Variants in SUGCT observed in about 807,000 individuals in gnomAD.
SUGCT encodes the protein succinyl-CoA:glutarate-CoA transferase.
A neutral mutation model predicts 55.0 loss-of-function variants in SUGCT; 41 were observed. That is an observed-to-expected ratio of 0.74 (90% confidence interval 0.58 to 0.97). The LOEUF is 0.97. Among genes scored for constraint, SUGCT ranks in the 50% least tolerant of loss-of-function variants. The pLI, the probability that SUGCT is intolerant of heterozygous loss-of-function variation, is 0.00. For missense variants in SUGCT, 568 were observed against 547.8 expected (o/e 1.04, Z -0.37); for synonymous variants, 187 against 200.4 (o/e 0.93, Z 0.56).
intron 13 of SUGCT, among the ~76,000 whole-genome samples, chr7:40,847,417 T>C (rs1268851454): frequency 7.3e-5 from 10 of 137,648 alleles, no homozygotes; most frequent in East Asian, 2.1e-4. Flanking sequence ...CTTTCTTTTT[T>C]TTTTTTTTTT....
intron 13 of SUGCT, among the ~76,000 whole-genome samples, chr7:40,775,975 A>G (rs1481580575): frequency 6.6e-6 from 1 of 152,134 alleles, no homozygotes; most frequent in African/African-American, 2.4e-5. Context: ...TTATCTTTCA[A>G]TGTCAGATGA....
At chr7:40,446,693 C>T (rs1306544856) in intron 9 of SUGCT, among the ~76,000 whole-genome samples, 2 of 152,146 alleles carry the variant, frequency 1.3e-5, no homozygotes, top group East Asian at 3.8e-4. Flanking sequence ...GATTCATTAG[C>T]ATTTACCAAC....
At chr7:40,459,635 C>T (rs950184989) in intron 11 of SUGCT, among the ~76,000 whole-genome samples, 1 of 152,066 alleles carries the variant, frequency 6.6e-6, no homozygotes, top group African/African-American at 2.4e-5. Flanking sequence ...TTCCATTTTA[C>T]ATGTAAGGAA....
At chr7:40,951,530 T>C in the SUGCT span, among the ~76,000 whole-genome samples, 1 of 152,334 alleles carries the variant, frequency 6.6e-6, no homozygotes, top group Non-Finnish European at 1.5e-5. Flanking sequence ...TCTCTAGTTC[T>C]TTTAATTGTG....
intron 9 of SUGCT, among the ~76,000 whole-genome samples, chr7:40,406,815 T>C (rs562546787): frequency 1.7e-4 from 26 of 152,220 alleles, no homozygotes; most frequent in Non-Finnish European, 3.1e-4. Context: ...CAAAGTATAC[T>C]GGTTTTTTAG....
At chr7:40,721,234 A>G (rs931039308) in intron 12 of SUGCT, among the ~76,000 whole-genome samples, 2 of 152,050 alleles carry the variant, frequency 1.3e-5, no homozygotes, top group African/African-American at 4.8e-5. Context: ...AAAGGAGGGG[A>G]AGGTGTAAAT....
chr7:40,429,700 A>G lies in SUGCT; in HGVS notation c.817-19587A>G, dbSNP rs576290914. ...AGCTGATTAGATGGTGCACACCCAG[A>G]TTGAGGGTGGGTCTGCCTCTCCTAG... On this transcript the variant is annotated intron_variant, in intron 9 of 13. Coordinates refer to ENST00000335693, the MANE Select transcript of SUGCT (RefSeq NM_001193313.2). Among the ~76,000 whole-genome samples, 13 of 152,272 alleles carry G rather than the reference A, an allele frequency of 8.5e-5. No homozygotes were observed. In the South Asian group the frequency reaches 1.0e-3, roughly 12 times the overall value.
chr7:40,909,897 A>G, the SUGCT span, among the ~76,000 whole-genome samples: 2 of 152,108 alleles, frequency 1.3e-5, no homozygotes, highest in Non-Finnish European at 2.9e-5. Flanking sequence ...ACTTGGTTAG[A>G]CAGGGCCTCA....
chr7:40,146,393 A>T (rs1302359933), intron 1 of SUGCT, among the ~76,000 whole-genome samples: 1 of 152,228 alleles, frequency 6.6e-6, no homozygotes, highest in Non-Finnish European at 1.5e-5. Context: ...TAGAGGAAGT[A>T]AAGACACACA....
chr7:40,544,172 G>A (rs1383505719), intron 12 of SUGCT, among the ~76,000 whole-genome samples: 9 of 149,906 alleles, frequency 6.0e-5, no homozygotes, highest in East Asian at 2.0e-4. Context: ...GTACACACCC[G>A]GTGTCCTGTG....
At chr7:40,841,101 A>G (rs1218891781) in intron 13 of SUGCT, among the ~76,000 whole-genome samples, 1 of 151,198 alleles carries the variant, frequency 6.6e-6, no homozygotes, top group Non-Finnish European at 1.5e-5. Flanking sequence ...TTTTTCTTTT[A>G]TGAGATTCAA....
intron 1 of SUGCT, among the ~76,000 whole-genome samples, chr7:40,147,200 T>C (rs1338516966): frequency 6.6e-6 from 1 of 152,126 alleles, no homozygotes; most frequent in Non-Finnish European, 1.5e-5. Context: ...GGACCTACTC[T>C]TTCTTCCCTA....
At chr7:40,387,617 T>C (rs1051918641) in intron 9 of SUGCT, among the ~76,000 whole-genome samples, 19 of 152,194 alleles carry the variant, frequency 1.2e-4, no homozygotes, top group African/African-American at 3.9e-4. Context: ...ATCCTTGTTT[T>C]TCTGGTCCTG....
At chr7:40,889,500 GC>G in the SUGCT span, among the ~76,000 whole-genome samples, 1 of 152,096 alleles carries the variant, frequency 6.6e-6, no homozygotes, top group African/African-American at 2.4e-5. Flanking sequence ...CTTTTTAAGG[GC>G]CTGATCATGA....
At chr7:40,204,282 A>G (rs993461321) in intron 6 of SUGCT, among the ~76,000 whole-genome samples, 1 of 149,846 alleles carries the variant, frequency 6.7e-6, no homozygotes, top group Admixed American at 6.7e-5. Flanking sequence ...TGAGCCAGCC[A>G]CTGTGCCCAG....
intron 9 of SUGCT, among the ~76,000 whole-genome samples, chr7:40,384,204 G>GT (rs1006600560): frequency 2.0e-5 from 3 of 152,126 alleles, no homozygotes; most frequent in African/African-American, 4.8e-5. Flanking sequence ...TTGTTCAATG[G>GT]TAAGTGCATT....
intron 7 of SUGCT, among the ~76,000 whole-genome samples, chr7:40,241,300 TG>T (rs1789366929): frequency 6.6e-6 from 1 of 152,118 alleles, no homozygotes; most frequent in Non-Finnish European, 1.5e-5. Flanking sequence ...GTATAGGGAC[TG>T]GGCATGGTGG....
At chr7:40,139,060 G>A (rs1787840426) in intron 1 of SUGCT, among the ~76,000 whole-genome samples, 1 of 151,740 alleles carries the variant, frequency 6.6e-6, no homozygotes, top group Admixed American at 6.6e-5. Context: ...GATCACCTGA[G>A]GTCAGGAGTG....
intron 12 of SUGCT, among the ~76,000 whole-genome samples, chr7:40,581,590 T>C (rs892805541): frequency 3.3e-5 from 5 of 152,194 alleles, no homozygotes; most frequent in Non-Finnish European, 5.9e-5. Context: ...TTATTTTTCT[T>C]TCAAGATTGT....
Sources: gnomAD v4.1 joint callset for allele counts (sites outside exome capture counted in the v4.1 genomes callset) on GRCh38, gnomAD v4.1.1 for gene constraint, MANE v1.5 for transcripts, NCBI Gene and HGNC (gene_info 2026-07-23, HGNC 2026-07-21) for gene names.